TENM1: variants seen among roughly 807,000 people sequenced by gnomAD.
The protein encoded by TENM1 is teneurin-1.
TENM1 carries 35 observed loss-of-function variants against 174.8 expected under a neutral mutation model. That is an observed-to-expected ratio of 0.20 (90% CI 0.15 to 0.27). The LOEUF (loss-of-function observed/expected upper bound fraction) is 0.27, where lower values mean the gene tolerates loss of function less well. Ranked by LOEUF, TENM1 falls within the 10% of genes least tolerant of loss-of-function variation. The pLI, the probability that TENM1 is intolerant of heterozygous loss-of-function variation, is 1.00. For synonymous variants in TENM1, 781 were observed against 798.7 expected (o/e 0.98, Z 0.37); for missense variants, 1,633 against 2,130.1 (o/e 0.77, Z 4.59).
chrX:125,068,535 G>T, the TENM1 span, among the ~76,000 whole-genome samples: 1 of 111,631 alleles, frequency 9.0e-6, no homozygotes, highest in East Asian at 2.8e-4. Context: ...TCTGAGAAAA[G>T]AAATATGAAC....
intron 3 of TENM1, among the ~76,000 whole-genome samples, chrX:124,862,438 G>C (rs2056930419): frequency 8.9e-6 from 1 of 111,790 alleles, no homozygotes; most frequent in Non-Finnish European, 1.9e-5. Flanking sequence ...GTGGTGTAGA[G>C]AGTATCTCTG....
At chrX:124,671,582 T>C (rs2051922288) in intron 6 of TENM1, 101 bp downstream of exon 9, 1 of 858,850 alleles carries the variant, frequency 1.2e-6, no homozygotes, top group East Asian at 3.2e-5. Context: ...TTCTTTCAAG[T>C]GATCATGAAA....
At chrX:124,824,823 A>G (rs1158229616) in intron 3 of TENM1, among the ~76,000 whole-genome samples, 2 of 111,696 alleles carry the variant, frequency 1.8e-5, no homozygotes, top group Non-Finnish European at 3.8e-5. Context: ...GTGTAGTACT[A>G]CTAATGTGCA....
chrX:125,059,205 A>G, the TENM1 span, among the ~76,000 whole-genome samples: 1 of 111,089 alleles, frequency 9.0e-6, no homozygotes, highest in Non-Finnish European at 1.9e-5. Context: ...ATAACACCCC[A>G]TTCTCTTACT....
intron 3 of TENM1, among the ~76,000 whole-genome samples, chrX:124,827,726 A>G (rs1055533002): frequency 7.1e-5 from 8 of 112,060 alleles, no homozygotes; most frequent in African/African-American, 2.6e-4. Context: ...TCAATCGGAT[A>G]AGCAGCGTGT....
At chrX:124,542,347 C>T (rs959401417) in intron 15 of TENM1, among the ~76,000 whole-genome samples, 3 of 111,625 alleles carry the variant, frequency 2.7e-5, no homozygotes, top group Non-Finnish European at 5.6e-5. Flanking sequence ...TAACATTGTA[C>T]ATCCTAGGGT....
chrX:124,719,099 T>C (rs2053251841), intron 4 of TENM1, among the ~76,000 whole-genome samples: 1 of 111,357 alleles, frequency 9.0e-6, no homozygotes, highest in Admixed American at 9.5e-5. Flanking sequence ...AATTGGAACG[T>C]GAAGTTTTGA....
chrX:124,674,420 G>A lies in TENM1; in HGVS notation c.1016-2585C>T, dbSNP rs764050541. ...TTAGTATGTGTAACACTCATGTATA[G>A]TATTTGAGTTAGTGACCGAGAACAG... is the stretch of plus-strand genomic sequence containing the variant. On this transcript the variant is annotated intron_variant, in intron 5 of 31. Coordinates refer to ENST00000422452, the Ensembl canonical transcript of TENM1. Among the ~76,000 whole-genome samples, 18 of 107,970 alleles carry A rather than the reference G, an allele frequency of 1.7e-4. No homozygotes were observed. In the South Asian group the frequency reaches 7.4e-3, roughly 44 times the overall value. The allele number at this position is 107,970 out of a possible 115,157, so 93.8% of individuals were successfully genotyped here. A position where few individuals can be genotyped will look rare whatever the true frequency, so the allele number is the denominator to read the frequency against.
At chrX:125,105,230 A>AT in the TENM1 span, among the ~76,000 whole-genome samples, 1 of 111,500 alleles carries the variant, frequency 9.0e-6, no homozygotes, top group Non-Finnish European at 1.9e-5. Context: ...TTCCATAGGC[A>AT]TTTTTACTCC....
chrX:125,144,449 A>C, the TENM1 span, among the ~76,000 whole-genome samples: 1 of 111,581 alleles, frequency 9.0e-6, no homozygotes, highest in Non-Finnish European at 1.9e-5. Context: ...TTAGGCAGTG[A>C]TGAGGGAGTA....
intron 14 of TENM1, among the ~76,000 whole-genome samples, chrX:124,558,632 T>A (rs112081676): frequency 1.2e-3 from 139 of 111,633 alleles, no homozygotes; most frequent in Non-Finnish European, 1.6e-3. Context: ...GAAGGGCATT[T>A]AATATATTCT....
intron 1 of TENM1, among the ~76,000 whole-genome samples, chrX:124,918,975 T>C (rs1446016010): frequency 8.9e-6 from 1 of 112,133 alleles, no homozygotes; most frequent in Admixed American, 9.4e-5. Context: ...TTGTCCTATG[T>C]TCCCATTTTG....
At chrX:125,043,475 C>T in the TENM1 span, among the ~76,000 whole-genome samples, 1 of 82,989 alleles carries the variant, frequency 1.2e-5, no homozygotes, top group African/African-American at 4.5e-5. Context: ...TATCATCTCA[C>T]ACCAGTTAGA....
chrX:124,379,359 C>T (rs768967599), exon 32 of TENM1: 1 of 112,279 alleles, frequency 8.9e-6, no homozygotes, highest in Non-Finnish European at 1.9e-5. Flanking sequence ...TTACTTGATT[C>T]GATTTCCTGA....
intron 1 of TENM1, among the ~76,000 whole-genome samples, chrX:124,915,483 C>A (rs1398733220): frequency 8.9e-6 from 1 of 112,208 alleles, no homozygotes; most frequent in Non-Finnish European, 1.9e-5. Flanking sequence ...CGATATCGCA[C>A]CACTGCACTC....
At chrX:124,909,475 G>A (rs180840767) in intron 1 of TENM1, among the ~76,000 whole-genome samples, 203 of 112,118 alleles carry the variant, frequency 1.8e-3, no homozygotes, top group African/African-American at 5.5e-3. Flanking sequence ...AGGAGACAAT[G>A]GGCACTTCTT....
the TENM1 span, among the ~76,000 whole-genome samples, chrX:125,077,519 A>G: frequency 2.7e-5 from 3 of 111,687 alleles, no homozygotes; most frequent in African/African-American, 9.8e-5. Context: ...AAAAAGACAC[A>G]TATTTTCCAG....
At chrX:125,027,617 T>C in the TENM1 span, among the ~76,000 whole-genome samples, 12 of 90,863 alleles carry the variant, frequency 1.3e-4, no homozygotes, top group East Asian at 3.1e-4. Context: ...TTTTCTTTTT[T>C]TTTTTTTTTT....
At chrX:124,591,053 C>A (rs1234072774) in intron 11 of TENM1, among the ~76,000 whole-genome samples, 1 of 111,734 alleles carries the variant, frequency 8.9e-6, no homozygotes, top group East Asian at 2.8e-4. Flanking sequence ...ATAGTGACCC[C>A]TGCTCTTTTT....
Sources: allele counts gnomAD v4.1 joint callset (sites outside exome capture counted in the v4.1 genomes callset), GRCh38; gene constraint gnomAD v4.1.1; transcripts MANE v1.5; gene names NCBI Gene and HGNC (gene_info 2026-07-23, HGNC 2026-07-21).